KLF12: variants seen among roughly 807,000 people sequenced by gnomAD.
KLF12 encodes KLF transcription factor 12.
KLF12 carries 9 observed loss-of-function variants against 37.8 expected under a neutral mutation model. That is an observed-to-expected ratio of 0.24 (90% CI 0.14 to 0.42). KLF12 has a LOEUF of 0.42. Ranked by LOEUF, KLF12 falls within the 10% of genes least tolerant of loss-of-function variation. The pLI is 1.00. For synonymous variants in KLF12, 208 were observed against 202.1 expected (o/e 1.03, Z -0.25); for missense variants, 411 against 516.0 (o/e 0.80, Z 1.97).
At chr13:74,249,878 G>A in the KLF12 span, among the ~76,000 whole-genome samples, 5,747 of 152,168 alleles carry the variant, frequency 0.038, 240 homozygotes, top group African/African-American at 0.1. Flanking sequence ...CCTGAGGCTG[G>A]GGGACAGGGC....
chr13:73,780,376 T>C (rs1403811590), intron 5 of KLF12, among the ~76,000 whole-genome samples: 1 of 152,206 alleles, frequency 6.6e-6, no homozygotes, highest in Non-Finnish European at 1.5e-5. Flanking sequence ...TGTGGTCTTT[T>C]ATCCCTTGTC....
At chr13:74,023,926 G>GAC (rs1276434858) in intron 1 of KLF12, among the ~76,000 whole-genome samples, 1 of 152,176 alleles carries the variant, frequency 6.6e-6, no homozygotes, top group Non-Finnish European at 1.5e-5. Context: ...CTAGGGTTAA[G>GAC]ACAGTTCCTA....
At chr13:73,940,101 T>C (rs971757543) in intron 3 of KLF12, among the ~76,000 whole-genome samples, 1 of 152,200 alleles carries the variant, frequency 6.6e-6, no homozygotes, top group Non-Finnish European at 1.5e-5. Flanking sequence ...GTATCCTCTA[T>C]ATACTACCTT....
the KLF12 span, among the ~76,000 whole-genome samples, chr13:74,156,893 C>T: frequency 2.6e-5 from 4 of 152,080 alleles, no homozygotes; most frequent in African/African-American, 9.7e-5. Flanking sequence ...GGACAGGTTG[C>T]TTTCAAGTCT....
chr13:73,956,784 C>T (rs750123679), intron 2 of KLF12, among the ~76,000 whole-genome samples: 7 of 151,852 alleles, frequency 4.6e-5, no homozygotes, highest in Non-Finnish European at 1.0e-4. Context: ...AAAAACTAGA[C>T]GGTCATGGTG....
At chr13:74,007,008 C>A (rs1892425584) in intron 1 of KLF12, among the ~76,000 whole-genome samples, 1 of 152,092 alleles carries the variant, frequency 6.6e-6, no homozygotes, top group African/African-American at 2.4e-5. Flanking sequence ...ACTTTCACAG[C>A]CCTTCTGAAG....
chr13:74,066,490 T>A (rs1873923540), intron 1 of KLF12, among the ~76,000 whole-genome samples: 1 of 151,980 alleles, frequency 6.6e-6, no homozygotes, highest in Non-Finnish European at 1.5e-5. Context: ...AGCGAGACCT[T>A]GTTTCTACCA....
chr13:74,269,574 C>T, the KLF12 span, among the ~76,000 whole-genome samples: 1 of 152,228 alleles, frequency 6.6e-6, no homozygotes, highest in South Asian at 2.1e-4. Flanking sequence ...TTTAATTATA[C>T]ACGATGATAT....
chr13:73,882,795 ATGTAT>A (rs1414214820), intron 3 of KLF12, among the ~76,000 whole-genome samples: 1 of 152,236 alleles, frequency 6.6e-6, no homozygotes, highest in Non-Finnish European at 1.5e-5. Context: ...AAGCAATACA[ATGTAT>A]TGTACACCAA....
At chr13:73,700,349 A>G (rs1478100451) in intron 7 of KLF12, among the ~76,000 whole-genome samples, 2 of 151,888 alleles carry the variant, frequency 1.3e-5, no homozygotes, top group Non-Finnish European at 2.9e-5. Flanking sequence ...GGGGCTAAGT[A>G]ACTAATGAAG....
chr13:74,195,286 G>A, the KLF12 span, among the ~76,000 whole-genome samples: 1 of 152,208 alleles, frequency 6.6e-6, no homozygotes, highest in African/African-American at 2.4e-5. Flanking sequence ...CAATCTTTGA[G>A]AGGGCCAAAA....
chr13:73,742,786 A>G (rs1878098394), intron 6 of KLF12, among the ~76,000 whole-genome samples: 1 of 152,224 alleles, frequency 6.6e-6, no homozygotes, highest in East Asian at 1.9e-4. Flanking sequence ...TCAACCGCAC[A>G]GTGCTGAGAA....
chr13:74,295,540 G>A, the KLF12 span, among the ~76,000 whole-genome samples: 92 of 152,294 alleles, frequency 6.0e-4, no homozygotes, highest in African/African-American at 2.2e-3. Context: ...GTAATGTGCT[G>A]TTGTGGTGTG....
intron 3 of KLF12, among the ~76,000 whole-genome samples, chr13:73,879,339 G>C (rs1414899008): frequency 2.0e-5 from 3 of 152,162 alleles, no homozygotes; most frequent in Non-Finnish European, 4.4e-5. Context: ...CTTCCTTTAT[G>C]ACCCTGGGAT....
At chr13:74,267,534 A>T in the KLF12 span, among the ~76,000 whole-genome samples, 1 of 152,214 alleles carries the variant, frequency 6.6e-6, no homozygotes, top group Non-Finnish European at 1.5e-5. Flanking sequence ...TTAAAAGTTG[A>T]TCTCATGGAG....
chr13:73,866,610 T>C (rs1886189945), intron 3 of KLF12, among the ~76,000 whole-genome samples: 1 of 152,120 alleles, frequency 6.6e-6, no homozygotes, highest in African/African-American at 2.4e-5. Flanking sequence ...CTTTGATACT[T>C]TTCTATCAAA....
chr13:73,891,784 C>T lies in KLF12; in HGVS notation c.124-45411G>A, dbSNP rs551069462. On this transcript the variant is annotated intron_variant, in intron 3 of 7. Transcript: ENST00000377669. Reference sequence around the variant, plus strand: ...ACAGAAATTGGTAAACTACAGTTTTCCTATAACTTTTATTTCTAAAGAAGT... The same window carrying T: ...ACAGAAATTGGTAAACTACAGTTTTTCTATAACTTTTATTTCTAAAGAAGT... 3.4e-3 allele frequency among the ~76,000 whole-genome samples: 520 copies of T among 152,172 alleles called. 3 individuals are homozygous for T. The highest frequency in any genetic ancestry group is 0.01 in the Middle Eastern group (3 of 294).
chr13:73,974,953 T>C (rs1184560162), intron 2 of KLF12, among the ~76,000 whole-genome samples: 4 of 152,222 alleles, frequency 2.6e-5, no homozygotes, highest in African/African-American at 9.6e-5. Context: ...TAGAAAGTTC[T>C]ACATTAGCAG....
intron 1 of KLF12, among the ~76,000 whole-genome samples, chr13:74,083,888 CTTCTTGGAGCAGG>C (rs1875089681): frequency 6.6e-6 from 1 of 152,062 alleles, no homozygotes; most frequent in African/African-American, 2.4e-5. Flanking sequence ...AGCAGGTTGG[CTTCTTGGAGCAGG>C]TGGCATATGA....
Sources: gnomAD v4.1 joint callset for allele counts (sites outside exome capture counted in the v4.1 genomes callset) on GRCh38, gnomAD v4.1.1 for gene constraint, MANE v1.5 for transcripts, NCBI Gene and HGNC (gene_info 2026-07-23, HGNC 2026-07-21) for gene names.